SCUBE1: variants seen among roughly 807,000 people sequenced by gnomAD.
SCUBE1 encodes signal peptide, CUB and EGF-like domain-containing protein 1.
SCUBE1 carries 59 observed loss-of-function variants against 124.4 expected under a neutral mutation model. That is an observed-to-expected ratio of 0.47 (90% CI 0.38 to 0.59). The LOEUF (loss-of-function observed/expected upper bound fraction) is 0.59. SCUBE1 is among the 20% of genes least tolerant of loss of function. The probability of loss-of-function intolerance (pLI) is 0.00; values close to 1 mark genes in which losing one functional copy is unlikely to be tolerated. For synonymous variants in SCUBE1, 545 were observed against 550.9 expected (o/e 0.99, Z 0.15); for missense variants, 1,150 against 1,371.2 (o/e 0.84, Z 2.55).
intron 6 of SCUBE1, among the ~76,000 whole-genome samples, chr22:43,241,261 G>A (rs573793057): frequency 2.0e-5 from 3 of 152,174 alleles, no homozygotes; most frequent in East Asian, 3.9e-4. Context: ...CTTAGGGCCC[G>A]TTCTTGGGTG....
intron 4 of SCUBE1, among the ~76,000 whole-genome samples, chr22:43,278,549 G>A (rs931504408): frequency 1.3e-5 from 2 of 152,210 alleles, no homozygotes; most frequent in Non-Finnish European, 2.9e-5. Context: ...TAGGAATCCC[G>A]TCCCAGGAGC....
intron 4 of SCUBE1, among the ~76,000 whole-genome samples, chr22:43,277,351 A>G (rs1486247216): frequency 6.6e-6 from 1 of 151,894 alleles, no homozygotes; most frequent in Non-Finnish European, 1.5e-5. Context: ...TGGGCAGAGC[A>G]GTGGTTCTGG....
chr22:43,200,056 C>T lies in SCUBE1; in HGVS notation c.*3941G>A, dbSNP rs1920979763. The T allele has an allele frequency of 6.6e-6, 1 of 152,278 alleles. No individual in the cohort carries two copies. Among genetic ancestry groups the T allele is most frequent in the Non-Finnish European group, 1.5e-5 (1 of 68,078 alleles). 9.4% of individuals were successfully genotyped at this position (152,278 alleles called of 1,614,324 possible). On this transcript the variant is annotated 3_prime_UTR_variant, in exon 22 of 22. Coordinates refer to ENST00000360835, the MANE Select transcript of SCUBE1 (RefSeq NM_173050.5). ...AGAAAGGTCCCCCCACGCCTGGGTCCCACCTGACTCCTGGGAAGCTGTGCG... is the reference window on the plus strand; with the variant it reads ...AGAAAGGTCCCCCCACGCCTGGGTCTCACCTGACTCCTGGGAAGCTGTGCG...
At chr22:43,302,167 C>T (rs376866396) in intron 3 of SCUBE1, among the ~76,000 whole-genome samples, 7 of 152,222 alleles carry the variant, frequency 4.6e-5, no homozygotes, top group Non-Finnish European at 8.8e-5. Flanking sequence ...GTGCGGAGAT[C>T]GCGATGGGGA....
chr22:43,222,637 C>T lies in SCUBE1; in HGVS notation c.1432+1G>A. ...CAGCATGGACAGGCCGGGGGGGTTA[C>T]CTGAGCAGCTGGGCCCGAGGCCAGA... On this transcript the variant is annotated splice_donor_variant, in intron 12 of 21. Coordinates refer to ENST00000360835, the MANE Select transcript of SCUBE1 (RefSeq NM_173050.5). LOFTEE classifies it high-confidence loss of function. 2 of 1,582,540 alleles carry T rather than the reference C, an allele frequency of 1.3e-6. No individual in the cohort carries two copies. The highest frequency in any genetic ancestry group is 1.7e-6 in the Non-Finnish European group (2 of 1,165,960).
intron 4 of SCUBE1, among the ~76,000 whole-genome samples, chr22:43,273,042 C>T (rs1288368458): frequency 3.9e-5 from 6 of 152,268 alleles, no homozygotes; most frequent in Non-Finnish European, 5.9e-5. Flanking sequence ...TCAGCTCACG[C>T]ATTCCTTCAC....
chr22:43,278,064 C>T (rs1023080342), intron 4 of SCUBE1, among the ~76,000 whole-genome samples: 1 of 152,150 alleles, frequency 6.6e-6, no homozygotes, highest in South Asian at 2.1e-4. Context: ...AGGAGAGGGG[C>T]GTGAAGCTGG....
intron 10 of SCUBE1, among the ~76,000 whole-genome samples, chr22:43,226,507 C>A (rs1455083249): frequency 6.6e-6 from 1 of 151,948 alleles, no homozygotes; most frequent in Non-Finnish European, 1.5e-5. Context: ...GTGAGGCTGG[C>A]GTGAAGCGAG....
intron 7 of SCUBE1, 74 bp from the exon 8 acceptor site, chr22:43,231,949 G>A: frequency 6.3e-7 from 1 of 1,575,098 alleles, no homozygotes; most frequent in Non-Finnish European, 8.7e-7. Flanking sequence ...GGGACGGCAG[G>A]CTAGCGGCAG....
chr22:43,214,011 G>T (rs947045080), intron 16 of SCUBE1, 79 bp downstream of exon 16: 8 of 1,309,054 alleles, frequency 6.1e-6, no homozygotes, highest in Non-Finnish European at 7.2e-6. Context: ...CTGGGCCTTC[G>T]ACAGGAGGGC....
chr22:43,207,738 G>A (rs1015706102), intron 20 of SCUBE1, 125 bp from the exon 21 acceptor site: 13 of 771,632 alleles, frequency 1.7e-5, no homozygotes, highest in African/African-American at 5.1e-5. Flanking sequence ...ATGGCTGGCC[G>A]CAGCTCTGCC....
rs558849062 is a variant in SCUBE1, at chr22:43,292,335, G to A, written c.350-1155C>T. On this transcript the variant is annotated intron_variant, in intron 3 of 21. Coordinates refer to ENST00000360835, the MANE Select transcript of SCUBE1 (RefSeq NM_173050.5). ...ACCAGAGGCCGCTGGCACAAAGGGCGCTATTGGCTGAAAACAGTCTTTATG... is the reference window on the plus strand; with the variant it reads ...ACCAGAGGCCGCTGGCACAAAGGGCACTATTGGCTGAAAACAGTCTTTATG... Among the ~76,000 whole-genome samples, 23 of 152,268 alleles carry A rather than the reference G, an allele frequency of 1.5e-4. No homozygotes were observed. In the South Asian group the frequency reaches 3.5e-3, roughly 23 times the overall value.
intron 3 of SCUBE1, among the ~76,000 whole-genome samples, chr22:43,293,719 C>T (rs755530743): frequency 7.9e-5 from 12 of 152,360 alleles, no homozygotes; most frequent in South Asian, 2.1e-4. Flanking sequence ...TCTCATGTCA[C>T]GGTTGTTACC....
rs1922368378 is a variant in SCUBE1, at chr22:43,227,477, C to T, written c.1104G>A (p.Met368Ile). ...THCGDVDECS[M>I]SNGSCDQGCV... ...AGCCCTGGTCACAGCTCCCGTTGCT[C>T]ATGCTGCACTCGTCCACATCTGGAA... Residue 368 changes from methionine (M) to isoleucine (I), a missense_variant, in exon 10 of 22, where the codon ATG (methionine) becomes ATA (isoleucine). This residue lies in a region of SCUBE1 where 337 missense variants were observed against 482.1 expected (regional missense o/e 0.70). Transcript: ENST00000360835. 1.2e-6 allele frequency: 2 copies of T among 1,612,714 alleles called. No homozygotes were observed. The highest frequency in any genetic ancestry group is 1.7e-6 in the Non-Finnish European group (2 of 1,179,878).
At chr22:43,274,670 G>C (rs999668195) in intron 4 of SCUBE1, among the ~76,000 whole-genome samples, 1 of 152,336 alleles carries the variant, frequency 6.6e-6, no homozygotes, top group Admixed American at 6.5e-5. Context: ...AGAGCACTGT[G>C]GACACACGAA....
intron 5 of SCUBE1, among the ~76,000 whole-genome samples, chr22:43,262,258 A>C (rs758138128): frequency 7.9e-5 from 12 of 152,228 alleles, no homozygotes; most frequent in Non-Finnish European, 1.3e-4. Flanking sequence ...CCTCCCAAGA[A>C]GCTGGGACTA....
chr22:43,300,351 G>GTTTTGA (rs148211641), intron 3 of SCUBE1, among the ~76,000 whole-genome samples: 13,703 of 150,272 alleles, frequency 0.091, 775 homozygotes, highest in Admixed American at 0.15. Context: ...TCTCATTATG[G>GTTTTGA]TTTTGATTTT....
chr22:43,199,523 CT>C lies in SCUBE1; in HGVS notation c.*4473del, dbSNP rs1920972287. On this transcript the variant is annotated 3_prime_UTR_variant, in exon 22 of 22. Transcript: ENST00000360835. ...TGTTTTGGCCCGTGTTTCAGCTCTA[CT>C]TTATCTGTGTGTCCTAAGCCAATGG... 6.6e-6 allele frequency: 1 copy of C among 151,518 alleles called. No individual in the cohort carries two copies. The highest frequency in any genetic ancestry group is 1.5e-5 in the Non-Finnish European group (1 of 68,172). The allele number at this position is 151,518 out of a possible 1,614,324, so 9.4% of individuals were successfully genotyped here.
intron 6 of SCUBE1, among the ~76,000 whole-genome samples, chr22:43,240,648 G>A (rs1205467197): frequency 2.6e-5 from 4 of 152,234 alleles, no homozygotes; most frequent in African/African-American, 4.8e-5. Context: ...AAATAAGGAC[G>A]AGCCTTCTCT....
Sources: gnomAD v4.1 joint callset for allele counts (sites outside exome capture counted in the v4.1 genomes callset) on GRCh38, gnomAD v4.1.1 for gene constraint, gnomAD v4.1.1 regional missense constraint, MANE v1.5 for transcripts, NCBI Gene and HGNC (gene_info 2026-07-23, HGNC 2026-07-21) for gene names.